The following RIOK1 variants were observed in gnomAD, a reference collection of about 807,000 sequenced individuals.
RIOK1 encodes the protein RIO kinase 1.
RIOK1 carries 66 observed loss-of-function variants against 73.5 expected under a neutral mutation model. The observed-to-expected ratio is 0.90, with a 90% CI of 0.74 to 1.10. RIOK1 has a LOEUF of 1.10. Ranked by LOEUF, RIOK1 falls within the 50% of genes least tolerant of loss-of-function variation. RIOK1 has a pLI of 0.00. For missense variants in RIOK1, 658 were observed against 699.8 expected (o/e 0.94, Z 0.67); for synonymous variants, 224 against 226.8 (o/e 0.99, Z 0.11).
chr6:7,405,689 A>G (rs1439437956), intron 12 of RIOK1, among the ~76,000 whole-genome samples: 1 of 151,730 alleles, frequency 6.6e-6, no homozygotes, highest in East Asian at 1.9e-4. Context: ...TAGTTTATTC[A>G]TTTTGACAGC....
chr6:7,408,503 C>G (rs1266333647), intron 12 of RIOK1, among the ~76,000 whole-genome samples: 1 of 152,048 alleles, frequency 6.6e-6, no homozygotes, highest in East Asian at 1.9e-4. Flanking sequence ...GGTGTAGTCT[C>G]CTACAACTAT....
intron 13 of RIOK1, 65 bp from the exon 14 acceptor site, chr6:7,411,267 G>T: frequency 6.4e-7 from 1 of 1,559,810 alleles, no homozygotes; most frequent in South Asian, 1.1e-5. Context: ...TGATGGAGGA[G>T]TATGCTGTGT....
At chr6:7,394,970 T>C (rs971653507) in intron 2 of RIOK1, 83 bp from the exon 3 acceptor site, 8 of 1,569,502 alleles carry the variant, frequency 5.1e-6, no homozygotes, top group Non-Finnish European at 6.9e-6. Flanking sequence ...CTTTAATAGC[T>C]AAGTATGAAC....
At position 7,414,259 on chromosome 6, in the gene RIOK1, C is replaced by T; in HGVS notation, c.1465C>T (p.Gln489Ter). ...VQKVPALLEN[Q>*]VEERTCSDSE... ...CAAGGTCCCTGCACTCCTAGAAAAT[C>T]AAGTGGAGGAAAGGACTTGTTCTGA... Residue 489 changes from glutamine to a stop codon, truncating the protein, a stop_gained, in exon 16 of 17, where the codon CAA (glutamine) becomes TAA (stop). Coordinates refer to ENST00000379834, the MANE Select transcript of RIOK1 (RefSeq NM_031480.3). LOFTEE classifies it high-confidence loss of function. 1.4e-5 allele frequency: 22 copies of T among 1,612,572 alleles called. No homozygotes were observed. Among genetic ancestry groups the T allele is most frequent in the Non-Finnish European group, 1.9e-5 (22 of 1,179,438 alleles).
intron 12 of RIOK1, 71 bp from the exon 13 acceptor site, chr6:7,410,315 C>A: frequency 9.3e-7 from 1 of 1,075,944 alleles, no homozygotes; most frequent in South Asian, 1.3e-5. Context: ...AATTTTATAC[C>A]AAAACTGGGA....
chr6:7,413,088 G>A, intron 15 of RIOK1, 146 bp downstream of exon 15: 1 of 456,464 alleles, frequency 2.2e-6, no homozygotes, highest in Non-Finnish European at 3.8e-6. Context: ...TGCTTTCAAA[G>A]TCTGTGGACA....
rs553166454 is a variant in RIOK1 at position 7,395,077 on chromosome 6, A to G, written c.301A>G (p.Ser101Gly). The change falls in exon 3 of 17, where the codon AGT (serine) becomes GGT (glycine). Residue 101 changes from serine to glycine, a missense_variant. Physicochemically the swap from Ser to Gly is moderately conservative, Grantham distance 56 (BLOSUM62 0). Transcript: ENST00000379834. ...GGCAAATCGACAGACCTCCGACAGCAGTTCAGCCAAAATGTCTACTCCAGC... is the reference window on the plus strand; with the variant it reads ...GGCAAATCGACAGACCTCCGACAGCGGTTCAGCCAAAATGTCTACTCCAGC... ...PQANRQTSDS[S>G]SAKMSTPADK... is the part of the protein sequence containing the mutation. The G allele has an allele frequency of 1.9e-6, 3 of 1,614,004 alleles. 1 individual carries two copies. The highest frequency in any genetic ancestry group is 2.5e-6 in the Non-Finnish European group (3 of 1,179,888).
rs577329182 is a variant in RIOK1 at position 7,395,048 on chromosome 6, T to C, written c.277-5T>C. On this transcript the variant is annotated splice_region_variant and splice_polypyrimidine_tract_variant and intron_variant, in intron 2 of 16. Transcript: ENST00000379834. ...AGTGCCTTAGACTCTGGAATTCCCT[T>C]CTAGGCAAATCGACAGACCTCCGAC... 1 of 1,613,766 alleles carries C rather than the reference T, an allele frequency of 6.2e-7. No homozygotes were observed. The highest frequency in any genetic ancestry group is 1.1e-5 in the South Asian group (1 of 91,044).
chr6:7,411,555 C>T, intron 14 of RIOK1, 104 bp downstream of exon 14: 1 of 1,211,836 alleles, frequency 8.3e-7, no homozygotes, highest in Non-Finnish European at 1.2e-6. Flanking sequence ...TGAATATTGG[C>T]TTCTGAGCTA....
intron 1 of RIOK1, among the ~76,000 whole-genome samples, chr6:7,392,337 C>A (rs1044300411): frequency 1.3e-5 from 2 of 151,826 alleles, no homozygotes; most frequent in African/African-American, 4.8e-5. Flanking sequence ...ATTGTGCAGC[C>A]TACTTCTCTC....
intron 9 of RIOK1, 54 bp from the exon 10 acceptor site, chr6:7,404,364 A>C: frequency 1.2e-6 from 2 of 1,601,994 alleles, no homozygotes; most frequent in Non-Finnish European, 1.7e-6. Context: ...ACAGTATAGT[A>C]AGAAGCAAGA....
rs774215846 is a variant in RIOK1 at position 7,404,537 on chromosome 6, T to C, written c.974T>C (p.Leu325Pro). 6.2e-7 allele frequency: 1 copy of C among 1,614,040 alleles called. No homozygotes were observed. The highest frequency in any genetic ancestry group is 8.5e-7 in the Non-Finnish European group (1 of 1,179,932). Residue 325 changes from leucine to proline, a missense_variant, in exon 10 of 17, where the codon CTC (leucine) becomes CCC (proline). Transcript: ENST00000379834. ...GATGCCAGACTTGTCCATGCAGATC[T>C]CAGTGAATTTAACATGCTGTGAGTG... ...YQDARLVHAD[L>P]SEFNMLYHGG...
At chr6:7,392,019 A>G (rs1761354228) in intron 1 of RIOK1, among the ~76,000 whole-genome samples, 1 of 152,138 alleles carries the variant, frequency 6.6e-6, no homozygotes, top group Admixed American at 6.5e-5. Flanking sequence ...GGTATCTCAT[A>G]TTATCAGCTG....
intron 16 of RIOK1, among the ~76,000 whole-genome samples, chr6:7,416,819 C>G (rs554908311): frequency 6.6e-6 from 1 of 151,324 alleles, no homozygotes. Flanking sequence ...GTCCCTGTCT[C>G]TAAAAAGAAA....
intron 3 of RIOK1, 42 bp from the exon 4 acceptor site, chr6:7,396,661 C>T (rs1761481975): frequency 4.9e-6 from 6 of 1,225,522 alleles, no homozygotes; most frequent in East Asian, 2.4e-5. Flanking sequence ...AATGTCTTTT[C>T]GTCTTACATA....
At chr6:7,390,311 A>C (rs536538444) in intron 1 of RIOK1, among the ~76,000 whole-genome samples, 296 of 152,314 alleles carry the variant, frequency 1.9e-3, no homozygotes, top group Non-Finnish European at 3.0e-3. Flanking sequence ...GGTTAGCGTC[A>C]CTGGGAGGCA....
At chr6:7,404,323 CATG>C in intron 9 of RIOK1, 92 bp from the exon 10 acceptor site, 1 of 1,366,182 alleles carries the variant, frequency 7.3e-7, no homozygotes, top group Non-Finnish European at 1.0e-6. Flanking sequence ...ATACAGCTCA[CATG>C]ATGAGTTGTA....
rs1761777917 is a variant in RIOK1, at chr6:7,407,515, C to A, written c.1203+2160C>A. 2.7e-5 allele frequency among the ~76,000 whole-genome samples: 4 copies of A among 148,934 alleles called. No homozygotes were observed. The South Asian group carries it at 8.5e-4, about 32-fold the overall frequency. ...TTTTTTTTTTTTTAAGAGACAGGGT[C>A]TCTCTGTTACCCAGTCTGAAGTACA... On this transcript the variant is annotated intron_variant, in intron 12 of 16. Coordinates refer to ENST00000379834, the MANE Select transcript of RIOK1 (RefSeq NM_031480.3).
In RIOK1 at chr6:7,396,687, G is replaced by A. The variant is rs1473939338; in HGVS notation, c.368-16G>A. On this transcript the variant is annotated splice_polypyrimidine_tract_variant and intron_variant, in intron 3 of 16. Transcript: ENST00000379834. ...GTCTTACATATTGTTTACATTGTGGGTTTCTTGTATTTTAGATAAGCTAAA... is the reference window on the plus strand; with the variant it reads ...GTCTTACATATTGTTTACATTGTGGATTTCTTGTATTTTAGATAAGCTAAA... The A allele has an allele frequency of 6.5e-7, 1 of 1,547,022 alleles. No homozygotes were observed. The highest frequency in any genetic ancestry group is 1.7e-5 in the Admixed American group (1 of 58,378).
Sources: allele counts gnomAD v4.1 joint callset (sites outside exome capture counted in the v4.1 genomes callset), GRCh38; gene constraint gnomAD v4.1.1; transcripts MANE v1.5; gene names NCBI Gene and HGNC (gene_info 2026-07-23, HGNC 2026-07-21).